PPTC7: variants seen among roughly 807,000 people sequenced by gnomAD.
PPTC7 encodes protein phosphatase targeting COQ7, also known as protein phosphatase PTC7 homolog.
PPTC7 carries 6 observed loss-of-function variants against 30.8 expected under a neutral mutation model. The ratio of observed to expected loss-of-function variants is 0.19; its 90% CI spans 0.11 to 0.38. The LOEUF (loss-of-function observed/expected upper bound fraction) is 0.38. Among genes scored for constraint, PPTC7 ranks in the 10% least tolerant of loss-of-function variants. The pLI, the probability that PPTC7 is intolerant of heterozygous loss-of-function variation, is 1.00. For synonymous variants in PPTC7, 163 were observed against 168.1 expected, an observed-to-expected ratio of 0.97 and a Z score of 0.23; for missense variants, 218 against 404.8, an observed-to-expected ratio of 0.54 and a Z score of 3.96.
intron 1 of PPTC7, among the ~76,000 whole-genome samples, chr12:110,552,724 CGTG>C (rs1271714088): frequency 6.6e-6 from 1 of 151,920 alleles, no homozygotes; most frequent in African/African-American, 2.4e-5. Flanking sequence ...ATTAGCCAGG[CGTG>C]GTGGCAGGCG....
At chr12:110,556,050 A>T (rs1303231166) in intron 1 of PPTC7, among the ~76,000 whole-genome samples, 1 of 152,226 alleles carries the variant, frequency 6.6e-6, no homozygotes, top group African/African-American at 2.4e-5. Flanking sequence ...AATGCTCTTC[A>T]CAAGAAAACC....
intron 2 of PPTC7, among the ~76,000 whole-genome samples, chr12:110,548,466 C>T (rs1418366037): frequency 6.6e-6 from 1 of 152,190 alleles, no homozygotes; most frequent in African/African-American, 2.4e-5. Context: ...AGCACGGGTA[C>T]TGTAACTCAC....
chr12:110,577,677 G>A (rs1490658807), intron 1 of PPTC7, among the ~76,000 whole-genome samples: 2 of 151,742 alleles, frequency 1.3e-5, no homozygotes, highest in African/African-American at 2.4e-5. Flanking sequence ...TCCAAAGGCT[G>A]GGATATGAAA....
Position 110,536,435 on chromosome 12 carries a change from G to C in PPTC7, c.*602C>G, listed in dbSNP as rs577274264. 6.6e-6 allele frequency: 1 copy of C among 152,150 alleles called. No homozygotes were observed. Among genetic ancestry groups the C allele is most frequent in the East Asian group, 1.9e-4 (1 of 5,184 alleles). 9.4% of individuals were successfully genotyped at this position (152,150 alleles called of 1,614,324 possible). On this transcript the variant is annotated 3_prime_UTR_variant, in exon 6 of 6. Coordinates refer to ENST00000354300, the MANE Select transcript of PPTC7 (RefSeq NM_139283.2). The stretch of plus-strand genomic sequence containing the variant: ...TAGAACTAAAATGGATTTTTCTCCC[G>C]ATTTGTAACAAAAAAGCTTTTGGGA...
chr12:110,579,906 AG>A (rs1385858202), intron 1 of PPTC7, among the ~76,000 whole-genome samples: 1 of 151,980 alleles, frequency 6.6e-6, no homozygotes, highest in Non-Finnish European at 1.5e-5. Flanking sequence ...CCAGCTACTC[AG>A]GTGGCTGAGG....
intron 1 of PPTC7, among the ~76,000 whole-genome samples, chr12:110,552,213 T>A (rs139129634): frequency 2.6e-5 from 4 of 152,242 alleles, no homozygotes; most frequent in African/African-American, 9.6e-5. Context: ...CAGGGTGGCA[T>A]TGCCTACCAG....
intron 3 of PPTC7, among the ~76,000 whole-genome samples, chr12:110,540,996 TG>T (rs959618011): frequency 2.0e-5 from 3 of 151,536 alleles, no homozygotes; most frequent in African/African-American, 7.3e-5. Context: ...AGGATGGTCT[TG>T]ATCTCCTGAC....
Position 110,569,832 on chromosome 12 carries a change from T to G in PPTC7, c.223+12977A>C, listed in dbSNP as rs565670407. Among the ~76,000 whole-genome samples the G allele has an allele frequency of 8.5e-5, 13 of 152,340 alleles. 1 individual carries two copies. Among genetic ancestry groups the G allele is most frequent in the African/African-American group, 3.1e-4 (13 of 41,576 alleles). On this transcript the variant is annotated intron_variant, in intron 1 of 5. Coordinates refer to ENST00000354300, the MANE Select transcript of PPTC7 (RefSeq NM_139283.2). The stretch of plus-strand genomic sequence containing the variant: ...TTTCCAGTGAAGTTTCAATAATGAT[T>G]TAGAGAGTGGAAACAGTGCCCCTTG...
chr12:110,542,312 G>T (rs1218582242), intron 3 of PPTC7, among the ~76,000 whole-genome samples: 1 of 151,596 alleles, frequency 6.6e-6, no homozygotes, highest in African/African-American at 2.4e-5. Flanking sequence ...AAAAAAAAAG[G>T]CAGAAAGACA....
At chr12:110,566,275 G>T (rs74600876) in intron 1 of PPTC7, among the ~76,000 whole-genome samples, 73 of 152,312 alleles carry the variant, frequency 4.8e-4, no homozygotes, top group Admixed American at 2.0e-3. Context: ...TAAAACAAAA[G>T]CAATAGCTAA....
At position 110,551,884 on chromosome 12, in the gene PPTC7, C is replaced by G; in HGVS notation, c.308G>C (p.Arg103Pro). The change falls in exon 2 of 6, where the codon CGT (arginine) becomes CCT (proline). Residue 103 changes from arginine (R) to proline (P), a missense_variant. Transcript: ENST00000354300. ...FSGTLMRTCE[R>P]LVKEGRFVPS... is the part of the protein sequence containing the mutation. ...TACGAACCGTCCTTCTTTTACTAAA[C>G]GTTCACACGTCCGCATTAAAGTCCC... 1 of 1,614,098 alleles carries G rather than the reference C, an allele frequency of 6.2e-7. No homozygotes were observed. Among genetic ancestry groups the G allele is most frequent in the Non-Finnish European group, 8.5e-7 (1 of 1,179,958 alleles).
At chr12:110,546,194 C>A in intron 2 of PPTC7, 116 bp from the exon 3 acceptor site, 3 of 776,176 alleles carry the variant, frequency 3.9e-6, no homozygotes, top group Non-Finnish European at 6.3e-6. Flanking sequence ...TTTGCCTAAA[C>A]AGGACCTTTC....
At chr12:110,548,058 G>A (rs2064322120) in intron 2 of PPTC7, among the ~76,000 whole-genome samples, 1 of 151,312 alleles carries the variant, frequency 6.6e-6, no homozygotes. Flanking sequence ...AGTGAGCTGA[G>A]ATTGCACCAC....
Position 110,583,122 on chromosome 12 carries a change from G to A in PPTC7, c.-91C>T, listed in dbSNP as rs2064654802. The A allele has an allele frequency of 1.8e-5, 19 of 1,061,246 alleles. No homozygotes were observed. Among genetic ancestry groups the A allele is most frequent in the Non-Finnish European group, 2.1e-5 (17 of 825,674 alleles). The allele number at this position is 1,061,246 out of a possible 1,614,324, so 65.7% of individuals were successfully genotyped here. On this transcript the variant is annotated 5_prime_UTR_variant, in exon 1 of 6. Transcript: ENST00000354300. ...CGGCTCTCTCCTCAGCCGCAGTCGC[G>A]CCGCCGCTGGGGCGCTCCTCAGGGC...
chr12:110,561,613 C>T (rs907383248), intron 1 of PPTC7, among the ~76,000 whole-genome samples: 2 of 152,164 alleles, frequency 1.3e-5, no homozygotes, highest in Non-Finnish European at 2.9e-5. Context: ...CATGAGCAAC[C>T]GCATCCAGCC....
At chr12:110,562,810 A>AG (rs1312904900) in intron 1 of PPTC7, among the ~76,000 whole-genome samples, 3 of 150,392 alleles carry the variant, frequency 2.0e-5, no homozygotes, top group Non-Finnish European at 3.0e-5. Flanking sequence ...AAAAAAGAAG[A>AG]GGAAAAAAAA....
chr12:110,582,449 G>A (rs866037290), intron 1 of PPTC7, among the ~76,000 whole-genome samples: 1 of 152,204 alleles, frequency 6.6e-6, no homozygotes, highest in Non-Finnish European at 1.5e-5. Flanking sequence ...ACCAGAACGA[G>A]GTTAGGAGCC....
intron 4 of PPTC7, among the ~76,000 whole-genome samples, chr12:110,539,309 T>A (rs1243377620): frequency 6.6e-6 from 1 of 152,188 alleles, no homozygotes; most frequent in Non-Finnish European, 1.5e-5. Flanking sequence ...TAAAGACTCA[T>A]GAGAAAAAGA....
intron 2 of PPTC7, among the ~76,000 whole-genome samples, chr12:110,549,183 A>G (rs539217023): frequency 6.6e-6 from 1 of 152,200 alleles, no homozygotes; most frequent in Non-Finnish European, 1.5e-5. Context: ...TCAGGTTCTT[A>G]AGATACTCTG....
Sources: allele counts gnomAD v4.1 joint callset (sites outside exome capture counted in the v4.1 genomes callset), GRCh38; gene constraint gnomAD v4.1.1; transcripts MANE v1.5; gene names NCBI Gene and HGNC (gene_info 2026-07-23, HGNC 2026-07-21).